Variants in RELN observed in about 807,000 individuals in gnomAD.
RELN encodes reelin.
A neutral mutation model predicts 427.6 loss-of-function variants in RELN; 108 were observed. That is an observed-to-expected ratio of 0.25 (90% CI 0.22 to 0.30). The LOEUF is 0.30. Among genes scored for constraint, RELN ranks in the 10% least tolerant of loss-of-function variants. RELN has a pLI of 1.00. For missense variants in RELN, 3,715 were observed against 4,302.8 expected (o/e 0.86, Z 3.82); for synonymous variants, 1,524 against 1,513.4 (o/e 1.01, Z -0.16).
At chr7:103,802,343 T>C (rs929826418) in intron 3 of RELN, among the ~76,000 whole-genome samples, 11 of 152,172 alleles carry the variant, frequency 7.2e-5, no homozygotes, top group African/African-American at 2.2e-4. Flanking sequence ...TCAACTGATA[T>C]TTGCTTCATA....
rs765946630 is a variant in RELN at position 103,661,391 on chromosome 7, A to G, written c.1426T>C (p.Phe476Leu). The change falls in exon 12 of 65, where the codon TTT (phenylalanine) becomes CTT (leucine). Residue 476 changes from phenylalanine (F) to leucine (L), a missense_variant. Phe to Leu is a conservative substitution (Grantham distance 22). Around this residue, in one of 4 missense-constraint regions of RELN, gnomAD observed 2,208 missense variants for 2,361.7 expected, o/e 0.93. Coordinates refer to ENST00000428762, the MANE Select transcript of RELN (RefSeq NM_005045.4). ...MDTTGYGNLR[F>L]YFVMGGICDP... ...ATGTACTTACCCATCACAAAGTAAA[A>G]CCTCAGGTTCCCATAACCGGTAGTG... 1.9e-6 allele frequency: 3 copies of G among 1,613,704 alleles called. No individual in the cohort carries two copies. In the East Asian group the frequency reaches 6.7e-5, roughly 36 times the overall value.
intron 6 of RELN, among the ~76,000 whole-genome samples, chr7:103,737,763 G>A (rs974917633): frequency 1.1e-4 from 17 of 152,076 alleles, no homozygotes; most frequent in Admixed American, 1.0e-3. Context: ...CTATTTCCCC[G>A]GTCCTGTAAT....
intron 1 of RELN, among the ~76,000 whole-genome samples, chr7:103,927,240 A>G (rs990269391): frequency 1.3e-5 from 2 of 152,208 alleles, no homozygotes; most frequent in African/African-American, 2.4e-5. Flanking sequence ...GTGCCACTCG[A>G]TACTGAGAAC....
At position 103,652,580 on chromosome 7, in the gene RELN, C is replaced by T. The variant is rs727504126; in HGVS notation, c.1734G>A (p.Leu578=). 29 of 1,612,606 alleles carry T rather than the reference C, an allele frequency of 1.8e-5. No homozygotes were observed. The highest frequency in any genetic ancestry group is 2.4e-5 in the Non-Finnish European group (28 of 1,179,226). Residue 578 remains leucine, a synonymous_variant, in exon 14 of 65, where the codon CTG becomes CTA. Coordinates refer to ENST00000428762, the MANE Select transcript of RELN (RefSeq NM_005045.4). The stretch of plus-strand genomic sequence containing the variant: ...TACCAGGCTGATGCGTTCCACATCC[C>T]AGATTGATGGAAAACTGTATCATGT... The part of the protein sequence containing the change: ...MSHMIQFSIN[L]GCGTHQPGNS...
At chr7:103,762,781 C>A (rs550219893) in intron 4 of RELN, among the ~76,000 whole-genome samples, 23 of 152,202 alleles carry the variant, frequency 1.5e-4, no homozygotes, top group African/African-American at 5.5e-4. Context: ...TTTCACTTTC[C>A]TTTACATACC....
intron 6 of RELN, among the ~76,000 whole-genome samples, chr7:103,749,110 C>G (rs1187373853): frequency 6.6e-6 from 1 of 151,984 alleles, no homozygotes. Flanking sequence ...AACCATTTCC[C>G]TTCTTTGCTT....
At chr7:103,647,873 G>A (rs567796341) in intron 16 of RELN, among the ~76,000 whole-genome samples, 1 of 152,090 alleles carries the variant, frequency 6.6e-6, no homozygotes, top group African/African-American at 2.4e-5. Flanking sequence ...CAATGGAACA[G>A]AATAGAGAGC....
intron 19 of RELN, among the ~76,000 whole-genome samples, chr7:103,634,300 G>A (rs142132748): frequency 6.6e-6 from 1 of 152,156 alleles, no homozygotes; most frequent in Non-Finnish European, 1.5e-5. Flanking sequence ...ATTTATATGT[G>A]ACTGTGAATG....
At chr7:103,661,353 A>C (rs1833135190) in intron 12 of RELN, 23 bp downstream of exon 12, 1 of 1,613,152 alleles carries the variant, frequency 6.2e-7, no homozygotes, top group South Asian at 1.1e-5. Context: ...CACGGTGAAC[A>C]AAGTTTGTGA....
chr7:103,526,764 G>C (rs1411027316), intron 46 of RELN, among the ~76,000 whole-genome samples: 1 of 151,984 alleles, frequency 6.6e-6, no homozygotes, highest in South Asian at 2.1e-4. Context: ...GCTACTTTCC[G>C]CCTCACAAGG....
rs1335725120 is a variant in RELN, at chr7:103,759,662, C to A, written c.545-6448G>T. ...CAGTGTGAATTAATATGGCCTTCATCGCGGTATGAGAAGAACCACTTTTTA... is the reference window on the plus strand; with the variant it reads ...CAGTGTGAATTAATATGGCCTTCATAGCGGTATGAGAAGAACCACTTTTTA... On this transcript the variant is annotated intron_variant, in intron 4 of 64. Transcript: ENST00000428762. Among the ~76,000 whole-genome samples the A allele has an allele frequency of 5.3e-5, 8 of 152,130 alleles. 1 individual carries two copies. The highest frequency in any genetic ancestry group is 1.7e-4 in the African/African-American group (7 of 41,528).
intron 34 of RELN, 113 bp downstream of exon 34, chr7:103,565,165 C>T: frequency 7.3e-7 from 1 of 1,361,562 alleles, no homozygotes; most frequent in Non-Finnish European, 1.0e-6. Flanking sequence ...CTGGCACTTC[C>T]ATGCATAATT....
chr7:103,989,457 A>G lies in RELN; in HGVS notation c.-101T>C. 9.3e-7 allele frequency: 1 copy of G among 1,069,610 alleles called. No homozygotes were observed. The allele number at this position is 1,069,610 out of a possible 1,614,324, so 66.3% of individuals were successfully genotyped here. On this transcript the variant is annotated 5_prime_UTR_variant, in exon 1 of 65. Transcript: ENST00000428762. This position sits in a 1 kb window ranked among gnomAD's most constrained non-coding sequence, Gnocchi z 4.9. ...GGAGCCACGCGGAGAGAAGGCGAGA[A>G]GAAGGCGGACGGGAGCGGAACGGGC...
At chr7:103,490,397 T>C (rs1013412086) in intron 59 of RELN, among the ~76,000 whole-genome samples, 2 of 152,096 alleles carry the variant, frequency 1.3e-5, no homozygotes, top group Admixed American at 1.3e-4. Context: ...GGGCCTGTGA[T>C]TGAGTTTGGT....
chr7:103,809,858 T>G (rs1584258441), intron 3 of RELN, among the ~76,000 whole-genome samples: 1 of 152,116 alleles, frequency 6.6e-6, no homozygotes, highest in Admixed American at 6.6e-5. Flanking sequence ...TAAAAGAGGA[T>G]CCCTGCTGTG....
intron 4 of RELN, among the ~76,000 whole-genome samples, chr7:103,774,291 T>A (rs1217190924): frequency 2.0e-5 from 2 of 99,390 alleles, no homozygotes; most frequent in Non-Finnish European, 4.3e-5. Flanking sequence ...AGCAAGACTT[T>A]GTCTCAAAAA....
intron 20 of RELN, among the ~76,000 whole-genome samples, chr7:103,622,883 A>C (rs915701819): frequency 6.6e-6 from 1 of 152,246 alleles, no homozygotes; most frequent in Admixed American, 6.5e-5. Flanking sequence ...GGGCCTTTCT[A>C]TCTTCGTCTC....
chr7:103,747,724 C>T (rs1790882154), intron 6 of RELN, among the ~76,000 whole-genome samples: 2 of 148,708 alleles, frequency 1.3e-5, no homozygotes, highest in Admixed American at 1.4e-4. Context: ...TAAAATTACT[C>T]CAAAGCATAT....
intron 20 of RELN, among the ~76,000 whole-genome samples, chr7:103,614,549 T>G (rs748914490): frequency 6.6e-5 from 10 of 152,238 alleles, no homozygotes; most frequent in South Asian, 2.1e-4. Context: ...TGGAACATTA[T>G]TAGATAAAGA....
Sources: allele counts gnomAD v4.1 joint callset (sites outside exome capture counted in the v4.1 genomes callset), GRCh38; gene constraint gnomAD v4.1.1; regional missense constraint gnomAD v4.1.1; non-coding constraint Gnocchi (gnomAD v3.1); transcripts MANE v1.5; gene names NCBI Gene and HGNC (gene_info 2026-07-23, HGNC 2026-07-21).